Variants in SLC35A3 observed in about 807,000 individuals in gnomAD.
SLC35A3 encodes solute carrier family 35 member A3.
A neutral mutation model predicts 39.0 loss-of-function variants in SLC35A3; 26 were observed. The ratio of observed to expected loss-of-function variants is 0.67; its 90% confidence interval spans 0.49 to 0.92. The LOEUF (loss-of-function observed/expected upper bound fraction) is 0.92, where lower values mean the gene tolerates loss of function less well. Ranked by LOEUF, SLC35A3 falls within the 40% of genes least tolerant of loss-of-function variation. SLC35A3 has a pLI of 0.00. For missense variants in SLC35A3, 299 were observed against 371.6 expected, an observed-to-expected ratio of 0.80 and a Z score of 1.61; for synonymous variants, 135 against 133.1, an observed-to-expected ratio of 1.01 and a Z score of -0.10.
At position 100,027,169 on chromosome 1, in the gene SLC35A3, T is replaced by A; in HGVS notation, c.*4693T>A. Reference sequence around the variant, plus strand: ...CATATTCTAGCATGAAATACTGGGTTGGCCAGGTGCAGTGGCTCATTCCTG... The same window carrying A: ...CATATTCTAGCATGAAATACTGGGTAGGCCAGGTGCAGTGGCTCATTCCTG... On this transcript the variant is annotated 3_prime_UTR_variant, in exon 8 of 8. Coordinates refer to ENST00000533028, the MANE Select transcript of SLC35A3 (RefSeq NM_012243.3). The A allele has an allele frequency of 2.5e-6, 1 of 398,646 alleles. No individual in the cohort carries two copies. The highest frequency in any genetic ancestry group is 3.6e-5 in the East Asian group (1 of 28,082). The allele number at this position is 398,646 out of a possible 1,614,324, so 24.7% of individuals were successfully genotyped here.
intron 5 of SLC35A3, 30 bp from the exon 6 acceptor site, chr1:100,015,272 A>G (rs748272727): frequency 6.5e-7 from 1 of 1,538,286 alleles, no homozygotes; most frequent in Non-Finnish European, 8.7e-7. Context: ...AAACTAAACG[A>G]TATATCATGT....
intron 1 of SLC35A3, among the ~76,000 whole-genome samples, chr1:99,979,646 G>T (rs1197070596): frequency 6.6e-6 from 1 of 151,238 alleles, no homozygotes; most frequent in South Asian, 2.1e-4. Flanking sequence ...TGTTAGCCAG[G>T]ATGGTCTCGA....
chr1:99,974,714 A>G (rs1403172961), intron 1 of SLC35A3, among the ~76,000 whole-genome samples: 1 of 152,182 alleles, frequency 6.6e-6, no homozygotes, highest in Non-Finnish European at 1.5e-5. Flanking sequence ...AAGTTATGCA[A>G]GACAAGCCAT....
intron 1 of SLC35A3, among the ~76,000 whole-genome samples, chr1:99,977,267 C>T (rs1237934563): frequency 3.3e-5 from 5 of 150,824 alleles, no homozygotes; most frequent in Admixed American, 6.7e-5. Context: ...CCTGTAATCC[C>T]AGCACTCTGG....
intron 3 of SLC35A3, among the ~76,000 whole-genome samples, chr1:100,004,613 G>A (rs1644093647): frequency 1.3e-5 from 2 of 151,934 alleles, no homozygotes; most frequent in Admixed American, 1.3e-4. Context: ...GGCTGGTTTA[G>A]TGGTGATGAA....
intron 3 of SLC35A3, 25 bp from the exon 4 acceptor site, chr1:100,007,006 TTAA>T (rs1381183155): frequency 3.8e-6 from 6 of 1,572,960 alleles, no homozygotes; most frequent in Admixed American, 1.9e-5. Flanking sequence ...CAAACGAACA[TTAA>T]TAATATTACT....
intron 6 of SLC35A3, among the ~76,000 whole-genome samples, chr1:100,016,819 G>GC (rs1660173340): frequency 6.6e-6 from 1 of 152,124 alleles, no homozygotes; most frequent in Admixed American, 6.6e-5. Flanking sequence ...AAGAGAAGAA[G>GC]CCCCCTTCCC....
At chr1:99,995,988 A>G (rs894953077) in intron 2 of SLC35A3, among the ~76,000 whole-genome samples, 31 of 152,244 alleles carry the variant, frequency 2.0e-4, no homozygotes, top group Non-Finnish European at 8.8e-5. Flanking sequence ...TTGTGGAGCC[A>G]AAGATATCTT....
intron 1 of SLC35A3, among the ~76,000 whole-genome samples, chr1:99,979,713 C>T (rs1657336388): frequency 1.3e-5 from 2 of 148,796 alleles, no homozygotes. Context: ...GGATTACAGA[C>T]GTGAGCCACC....
Position 100,028,961 on chromosome 1 carries a change from G to A in SLC35A3, c.*6485G>A, listed in dbSNP as rs573787865. 2 of 152,318 alleles carry A rather than the reference G, an allele frequency of 1.3e-5. No individual in the cohort carries two copies. The highest frequency in any genetic ancestry group is 4.8e-5 in the African/African-American group (2 of 41,552). The allele number at this position is 152,318 out of a possible 1,614,324, so 9.4% of individuals were successfully genotyped here. On this transcript the variant is annotated 3_prime_UTR_variant, in exon 8 of 8. Transcript: ENST00000533028. ...GGAGTGGTCCAAACTTGAGGCTTTC[G>A]GTGTCCTTTTCTTGTAGCGTCATGG...
intron 1 of SLC35A3, among the ~76,000 whole-genome samples, chr1:99,977,141 C>G (rs1013486493): frequency 7.2e-5 from 11 of 152,064 alleles, no homozygotes; most frequent in Non-Finnish European, 1.2e-4. Context: ...GGTTTATCCT[C>G]AGGCTGAATA....
chr1:99,993,741 AG>A lies in SLC35A3; in HGVS notation c.187+1del. 1 of 1,613,002 alleles carries A rather than the reference AG, an allele frequency of 6.2e-7. No individual in the cohort carries two copies. Among genetic ancestry groups the A allele is most frequent in the Non-Finnish European group, 8.5e-7 (1 of 1,179,640 alleles). On this transcript the variant is annotated splice_donor_variant, in intron 2 of 7. Coordinates refer to ENST00000533028, the MANE Select transcript of SLC35A3 (RefSeq NM_012243.3). LOFTEE classifies it high-confidence loss of function. ...CATTTTATTGGTCTACAAAGACAGC[AG>A]TAGGTATCTAGGTTTTTTGTTTTTA...
chr1:99,980,512 T>C (rs1044364683), intron 1 of SLC35A3, among the ~76,000 whole-genome samples: 9 of 152,252 alleles, frequency 5.9e-5, no homozygotes, highest in African/African-American at 9.6e-5. Context: ...ATAGGTTTTA[T>C]ATTTGTATAG....
chr1:99,970,559 G>C, intron 1 of SLC35A3: 1 of 1,536,022 alleles, frequency 6.5e-7, no homozygotes, highest in Non-Finnish European at 8.7e-7. Flanking sequence ...TCGGTGTTGA[G>C]CCCTGTGGTA....
At chr1:99,976,333 G>T (rs903387223) in intron 1 of SLC35A3, among the ~76,000 whole-genome samples, 1 of 152,110 alleles carries the variant, frequency 6.6e-6, no homozygotes, top group African/African-American at 2.4e-5. Context: ...TTTAGAAAAG[G>T]TGTTTGTTAA....
In SLC35A3 at chr1:100,017,681, G is replaced by C; in HGVS notation, c.754-1G>C. The C allele has an allele frequency of 6.5e-7, 1 of 1,526,826 alleles. No individual in the cohort carries two copies. The highest frequency in any genetic ancestry group is 8.8e-7 in the Non-Finnish European group (1 of 1,137,378). The allele number at this position is 1,526,826 out of a possible 1,614,324, so 94.6% of individuals were successfully genotyped here. A position where few individuals can be genotyped will look rare whatever the true frequency, so the allele number is the denominator to read the frequency against. On this transcript the variant is annotated splice_acceptor_variant, in intron 6 of 7. Transcript: ENST00000533028. LOFTEE classifies it high-confidence loss of function. ...TAAAAAATATTTTTTTAAAACTTCA[G>C]GCACTTGGAGGCCTTGTAATAGCTG...
chr1:99,975,534 A>T (rs1657060106), intron 1 of SLC35A3, among the ~76,000 whole-genome samples: 1 of 152,124 alleles, frequency 6.6e-6, no homozygotes, highest in African/African-American at 2.4e-5. Context: ...GACATATGAA[A>T]CTTCACTAAA....
At position 100,035,065 on chromosome 1, in the gene SLC35A3, A is replaced by C. The variant is rs1404723731; in HGVS notation, c.*12589A>C. The C allele has an allele frequency of 6.6e-6, 1 of 152,274 alleles. No homozygotes were observed. The highest frequency in any genetic ancestry group is 1.9e-4 in the East Asian group (1 of 5,176). 9.4% of individuals were successfully genotyped at this position (152,274 alleles called of 1,614,324 possible). A position where few individuals can be genotyped will look rare whatever the true frequency, so the allele number is the denominator to read the frequency against. On this transcript the variant is annotated 3_prime_UTR_variant, in exon 8 of 8. Transcript: ENST00000533028. ...TAGCGCAAAGTTTGTGAATACGGTCATCCCTCCATATGAGGAGGGGAGTGG... is the reference window on the plus strand; with the variant it reads ...TAGCGCAAAGTTTGTGAATACGGTCCTCCCTCCATATGAGGAGGGGAGTGG...
intron 1 of SLC35A3, among the ~76,000 whole-genome samples, chr1:99,972,128 T>C (rs1384016290): frequency 6.6e-6 from 1 of 152,062 alleles, no homozygotes; most frequent in Non-Finnish European, 1.5e-5. Flanking sequence ...CTTGAACTCC[T>C]GACCTCAGGT....
Sources: allele counts gnomAD v4.1 joint callset (sites outside exome capture counted in the v4.1 genomes callset), GRCh38; gene constraint gnomAD v4.1.1; transcripts MANE v1.5; gene names NCBI Gene and HGNC (gene_info 2026-07-23, HGNC 2026-07-21).